SDCCAG8: variants seen among roughly 807,000 people sequenced by gnomAD.
SDCCAG8 encodes the protein SHH signaling and ciliogenesis regulator SDCCAG8.
A neutral mutation model predicts 101.8 loss-of-function variants in SDCCAG8; 74 were observed. The observed-to-expected ratio is 0.73, with a 90% CI of 0.60 to 0.88. The LOEUF (loss-of-function observed/expected upper bound fraction) is 0.88, where lower values mean the gene tolerates loss of function less well. Ranked by LOEUF, SDCCAG8 falls within the 40% of genes least tolerant of loss-of-function variation. The pLI, the probability that SDCCAG8 is intolerant of heterozygous loss-of-function variation, is 0.00. For missense variants in SDCCAG8, 787 were observed against 822.6 expected (o/e 0.96, Z 0.53); for synonymous variants, 281 against 292.9 (o/e 0.96, Z 0.41).
chr1:243,340,953 T>A, intron 10 of SDCCAG8, 86 bp from the exon 11 acceptor site: 20 of 1,374,714 alleles, frequency 1.5e-5, no homozygotes, highest in Non-Finnish European at 2.1e-5. Flanking sequence ...CCAGTGACTA[T>A]GCTGAGACGC....
intron 7 of SDCCAG8, chr1:243,307,299 T>G: frequency 6.9e-5 from 5 of 72,486 alleles, no homozygotes; most frequent in South Asian, 5.4e-4. Flanking sequence ...TCCCCAGCCC[T>G]TTCTTTAGCA....
chr1:243,425,763 A>C (rs1217769171), intron 15 of SDCCAG8, among the ~76,000 whole-genome samples: 2 of 152,206 alleles, frequency 1.3e-5, no homozygotes, highest in Admixed American at 1.3e-4. Context: ...TAAGACACGA[A>C]AAACAAGATA....
intron 17 of SDCCAG8, among the ~76,000 whole-genome samples, chr1:243,498,144 CCAGT>C (rs1444904303): frequency 6.6e-6 from 1 of 152,232 alleles, no homozygotes; most frequent in African/African-American, 2.4e-5. Flanking sequence ...GCCATTCAAA[CCAGT>C]CATTTAGCAG....
intron 16 of SDCCAG8, among the ~76,000 whole-genome samples, chr1:243,471,014 G>A (rs1661156467): frequency 1.3e-5 from 2 of 152,148 alleles, no homozygotes; most frequent in African/African-American, 2.4e-5. Context: ...TGTATAGGCA[G>A]AGGTACACAA....
chr1:243,457,895 C>T (rs80340764), intron 16 of SDCCAG8, among the ~76,000 whole-genome samples: 1 of 152,210 alleles, frequency 6.6e-6, no homozygotes, highest in Non-Finnish European at 1.5e-5. Flanking sequence ...TACTGTGAGG[C>T]AGCATTGCTG....
intron 16 of SDCCAG8, among the ~76,000 whole-genome samples, chr1:243,448,997 A>G (rs1033260577): frequency 2.6e-5 from 4 of 152,226 alleles, no homozygotes; most frequent in Admixed American, 6.5e-5. Context: ...GTATATCTTC[A>G]TGTTTGGAAA....
At chr1:243,379,932 G>GA (rs1249983893) in intron 13 of SDCCAG8, among the ~76,000 whole-genome samples, 3 of 152,110 alleles carry the variant, frequency 2.0e-5, no homozygotes, top group Non-Finnish European at 4.4e-5. Context: ...TGCGTTTGGA[G>GA]AAAAAAATAT....
intron 13 of SDCCAG8, among the ~76,000 whole-genome samples, chr1:243,380,472 C>T (rs551442968): frequency 6.6e-6 from 1 of 152,078 alleles, no homozygotes; most frequent in East Asian, 1.9e-4. Context: ...CTGGTTTTGC[C>T]CCTTTTGCCA....
At chr1:243,378,963 A>T (rs1250066874) in intron 13 of SDCCAG8, 100 bp downstream of exon 13, 18 of 1,467,972 alleles carry the variant, frequency 1.2e-5, no homozygotes, top group Non-Finnish European at 1.9e-6. Flanking sequence ...TAGTCATTCA[A>T]TTCACACTTA....
chr1:243,411,626 G>A (rs1464481403), intron 13 of SDCCAG8, among the ~76,000 whole-genome samples: 9 of 152,174 alleles, frequency 5.9e-5, no homozygotes, highest in Admixed American at 6.5e-5. Flanking sequence ...CTGGCAACGC[G>A]GATCTACTTT....
At chr1:243,314,701 A>G (rs2073079121) in intron 8 of SDCCAG8, among the ~76,000 whole-genome samples, 1 of 152,156 alleles carries the variant, frequency 6.6e-6, no homozygotes, top group Non-Finnish European at 1.5e-5. Flanking sequence ...ACTTATAAAC[A>G]CTGAGCTTTT....
At chr1:243,389,332 C>T (rs2078553171) in intron 13 of SDCCAG8, among the ~76,000 whole-genome samples, 1 of 152,126 alleles carries the variant, frequency 6.6e-6, no homozygotes, top group Non-Finnish European at 1.5e-5. Flanking sequence ...TTCACAACAA[C>T]AGGGTCTCTT....
chr1:243,451,288 T>C (rs993941491), intron 16 of SDCCAG8, among the ~76,000 whole-genome samples: 1 of 152,216 alleles, frequency 6.6e-6, no homozygotes, highest in African/African-American at 2.4e-5. Context: ...TGGATTTTAC[T>C]GAAGATATTG....
chr1:243,449,660 C>T (rs2083206245), intron 16 of SDCCAG8, among the ~76,000 whole-genome samples: 1 of 152,190 alleles, frequency 6.6e-6, no homozygotes, highest in Non-Finnish European at 1.5e-5. Flanking sequence ...CCAGTTTTTC[C>T]ACATGGCCCT....
chr1:243,409,159 G>A (rs1234077766), intron 13 of SDCCAG8, among the ~76,000 whole-genome samples: 1 of 152,058 alleles, frequency 6.6e-6, no homozygotes, highest in Non-Finnish European at 1.5e-5. Flanking sequence ...TTGAAATCTA[G>A]TTACTAGTAG....
intron 13 of SDCCAG8, among the ~76,000 whole-genome samples, chr1:243,385,379 G>C (rs957424643): frequency 5.3e-5 from 8 of 152,120 alleles, no homozygotes; most frequent in African/African-American, 1.7e-4. Context: ...AACAGAGCAA[G>C]ACCTTGTCTC....
At chr1:243,498,753 A>AGAG (rs1668704422) in intron 17 of SDCCAG8, among the ~76,000 whole-genome samples, 1 of 152,252 alleles carries the variant, frequency 6.6e-6, no homozygotes, top group African/African-American at 2.4e-5. Flanking sequence ...TTAGGTTGAT[A>AGAG]GAGTCCTCCC....
intron 14 of SDCCAG8, among the ~76,000 whole-genome samples, chr1:243,417,297 T>G (rs950199986): frequency 1.3e-5 from 2 of 152,198 alleles, no homozygotes; most frequent in East Asian, 1.9e-4. Flanking sequence ...ATCTAAGCAC[T>G]AGATTAGAAT....
At chr1:243,480,706 T>TGGAC (rs1663488376) in intron 16 of SDCCAG8, among the ~76,000 whole-genome samples, 1 of 75,506 alleles carries the variant, frequency 1.3e-5, no homozygotes, top group Non-Finnish European at 2.6e-5. Flanking sequence ...GTGGGATGGA[T>TGGAC]GGATGGATGG....
Sources: gnomAD v4.1 joint callset for allele counts (sites outside exome capture counted in the v4.1 genomes callset) on GRCh38, gnomAD v4.1.1 for gene constraint, MANE v1.5 for transcripts, NCBI Gene and HGNC (gene_info 2026-07-23, HGNC 2026-07-21) for gene names.